ASB4: variants seen among roughly 807,000 people sequenced by gnomAD.
The protein encoded by ASB4 is ankyrin repeat and SOCS box containing 4, also known as ankyrin repeat and SOCS box protein 4.
ASB4 carries 35 observed loss-of-function variants against 38.6 expected under a neutral mutation model. That is an observed-to-expected ratio of 0.91 (90% confidence interval 0.69 to 1.20). The LOEUF (loss-of-function observed/expected upper bound fraction) is 1.20, where lower values mean the gene tolerates loss of function less well. Among genes scored for constraint, ASB4 ranks in the 50% most tolerant of loss-of-function variants. ASB4 has a pLI of 0.00. For missense variants in ASB4, 557 were observed against 527.2 expected (o/e 1.06, Z -0.55); for synonymous variants, 195 against 201.3 (o/e 0.97, Z 0.26).
intron 2 of ASB4, among the ~76,000 whole-genome samples, chr7:95,506,686 C>CTT (rs76270182): frequency 1.6e-4 from 19 of 119,950 alleles, no homozygotes; most frequent in Admixed American, 4.1e-4. Context: ...AATTTAGATT[C>CTT]TTTTTTTTTT....
rs554605254 is a variant in ASB4, at chr7:95,498,864, G to T, written c.487+2807G>T. On this transcript the variant is annotated intron_variant, in intron 2 of 4. Coordinates refer to ENST00000325885, the MANE Select transcript of ASB4 (RefSeq NM_016116.3). Reference sequence around the variant, plus strand: ...GGTTAGGTTCGTCTTTTTTTATATGGATGCCCAGTTGTTTCAACACCATTT... The same window carrying T: ...GGTTAGGTTCGTCTTTTTTTATATGTATGCCCAGTTGTTTCAACACCATTT... 1.8e-4 allele frequency among the ~76,000 whole-genome samples: 27 copies of T among 151,980 alleles called. No individual in the cohort carries two copies. The South Asian group carries it at 5.6e-3, about 32-fold the overall frequency.
upstream of ASB4, chr7:95,473,666 A>G (rs1461660639): frequency 5.9e-5 from 9 of 151,384 alleles, no homozygotes. Context: ...AATCAACGGA[A>G]TAATCAGCCT....
intron 2 of ASB4, among the ~76,000 whole-genome samples, chr7:95,506,675 G>A (rs1393269779): frequency 6.8e-6 from 1 of 146,620 alleles, no homozygotes; most frequent in East Asian, 2.0e-4. Flanking sequence ...CCTCTCTGGG[G>A]AATTTAGATT....
chr7:95,476,759 A>G (rs1326882764), upstream of ASB4, among the ~76,000 whole-genome samples: 1 of 152,212 alleles, frequency 6.6e-6, no homozygotes, highest in Non-Finnish European at 1.5e-5. Context: ...TCCCACACCC[A>G]AAGACAGAGA....
At chr7:95,491,406 T>A (rs1318027850) in intron 1 of ASB4, among the ~76,000 whole-genome samples, 3 of 152,208 alleles carry the variant, frequency 2.0e-5, no homozygotes, top group Non-Finnish European at 4.4e-5. Flanking sequence ...TCCCATGGGC[T>A]TGGTTCCCCG....
chr7:95,483,794 G>A (rs899748519), upstream of ASB4, among the ~76,000 whole-genome samples: 10 of 152,024 alleles, frequency 6.6e-5, no homozygotes, highest in Admixed American at 2.0e-4. Flanking sequence ...GTAGATACTC[G>A]ATGGGTATTT....
At chr7:95,479,306 A>G (rs192531525) in intron 1 of ASB4, among the ~76,000 whole-genome samples, 2 of 152,338 alleles carry the variant, frequency 1.3e-5, no homozygotes, top group African/African-American at 4.8e-5. Flanking sequence ...TAGTCCACTG[A>G]TATGAACAAC....
At position 95,486,024 on chromosome 7, in the gene ASB4, A is replaced by C. The variant is rs1562808164; in HGVS notation, c.53A>C (p.Lys18Thr). 3 of 1,614,220 alleles carry C rather than the reference A, an allele frequency of 1.9e-6. No individual in the cohort carries two copies. Among genetic ancestry groups the C allele is most frequent in the Non-Finnish European group, 2.5e-6 (3 of 1,180,032 alleles). ...AAATCTGGAGCTGCCAAGTTAGTTA[A>C]GAGAAATTTCCTTGAGGCGCTAAAG... Reference protein sequence around the residue: ...VTKSGAAKLVKRNFLEALKSN... With the variant: ...VTKSGAAKLVTRNFLEALKSN... The change falls in exon 1 of 5, where the codon AAG (lysine) becomes ACG (threonine). Residue 18 changes from lysine (K) to threonine (T), a missense_variant. Lys to Thr is a moderately conservative substitution (Grantham distance 78). Transcript: ENST00000325885.
At chr7:95,515,332 C>CCTTCCTTT (rs1451550697) in intron 2 of ASB4, among the ~76,000 whole-genome samples, 31 of 119,640 alleles carry the variant, frequency 2.6e-4, no homozygotes, top group South Asian at 1.1e-3. Flanking sequence ...TTCCTTCCTT[C>CCTTCCTTT]CTTTCTTTCT....
At chr7:95,521,078 A>G (rs1004440242) in intron 2 of ASB4, among the ~76,000 whole-genome samples, 1 of 152,194 alleles carries the variant, frequency 6.6e-6, no homozygotes, top group African/African-American at 2.4e-5. Flanking sequence ...CCATCTTTAC[A>G]ATAATGAGTC....
chr7:95,514,070 C>A (rs911649552), intron 2 of ASB4, among the ~76,000 whole-genome samples: 5 of 152,172 alleles, frequency 3.3e-5, no homozygotes, highest in African/African-American at 1.2e-4. Flanking sequence ...TTATGGCTCT[C>A]CAGTATTTTC....
Position 95,494,632 on chromosome 7 carries a change from A to T in ASB4, c.188-1126A>T, listed in dbSNP as rs183071589. The stretch of plus-strand genomic sequence containing the variant: ...ATCTCTTCATCTTCTTGCCCTCAGT[A>T]TTTTTTCTTTCTGTACCTATTTTCC... On this transcript the variant is annotated intron_variant, in intron 1 of 4. Coordinates refer to ENST00000325885, the MANE Select transcript of ASB4 (RefSeq NM_016116.3). 3.7e-3 allele frequency among the ~76,000 whole-genome samples: 563 copies of T among 152,236 alleles called. 4 individuals carry two copies. Among genetic ancestry groups the T allele is most frequent in the Non-Finnish European group, 5.2e-3 (351 of 67,998 alleles).
At chr7:95,492,402 G>A (rs906590942) in intron 1 of ASB4, among the ~76,000 whole-genome samples, 12 of 152,194 alleles carry the variant, frequency 7.9e-5, no homozygotes, top group African/African-American at 2.9e-4. Context: ...TTGTGAAGCA[G>A]GCTTGGAGGT....
At chr7:95,512,466 C>T (rs1260653899) in intron 2 of ASB4, among the ~76,000 whole-genome samples, 1 of 152,110 alleles carries the variant, frequency 6.6e-6, no homozygotes, top group Non-Finnish European at 1.5e-5. Context: ...CTGTATTAAG[C>T]AATGATGCTG....
upstream of ASB4, among the ~76,000 whole-genome samples, chr7:95,477,462 C>T (rs908178319): frequency 6.6e-6 from 1 of 152,132 alleles, no homozygotes; most frequent in African/African-American, 2.4e-5. Context: ...AATTTATCTA[C>T]TGTAAAAAGA....
At chr7:95,522,606 G>C (rs1790679094) in intron 2 of ASB4, among the ~76,000 whole-genome samples, 1 of 152,140 alleles carries the variant, frequency 6.6e-6, no homozygotes, top group Non-Finnish European at 1.5e-5. Flanking sequence ...GGAAGTGTCT[G>C]GAAGGGTTGG....
intron 2 of ASB4, among the ~76,000 whole-genome samples, chr7:95,512,746 A>G (rs905380394): frequency 9.2e-5 from 14 of 152,150 alleles, no homozygotes; most frequent in African/African-American, 3.1e-4. Context: ...CTATAGCTAG[A>G]AGGGGAACTC....
At chr7:95,519,154 C>A (rs1790625618) in intron 2 of ASB4, among the ~76,000 whole-genome samples, 1 of 151,996 alleles carries the variant, frequency 6.6e-6, no homozygotes, top group South Asian at 2.1e-4. Flanking sequence ...AATATATTTG[C>A]CATAGAATGT....
intron 3 of ASB4, among the ~76,000 whole-genome samples, 168 bp from the exon 4 acceptor site, chr7:95,536,269 T>G (rs929097378): frequency 2.0e-5 from 3 of 152,108 alleles, no homozygotes; most frequent in Non-Finnish European, 2.9e-5. Flanking sequence ...AAGATAGCTT[T>G]GAACTCTTGG....
Sources: allele counts gnomAD v4.1 joint callset (sites outside exome capture counted in the v4.1 genomes callset), GRCh38; gene constraint gnomAD v4.1.1; transcripts MANE v1.5; gene names NCBI Gene and HGNC (gene_info 2026-07-23, HGNC 2026-07-21).